The following PARN variants were observed in gnomAD, a reference collection of about 807,000 sequenced individuals.
PARN encodes poly(A)-specific ribonuclease.
A neutral mutation model predicts 102.8 loss-of-function variants in PARN; 71 were observed. The observed-to-expected ratio is 0.69, with a 90% CI of 0.57 to 0.84. The LOEUF (loss-of-function observed/expected upper bound fraction) is 0.84. Ranked by LOEUF, PARN falls within the 40% of genes least tolerant of loss-of-function variation. PARN has a pLI of 0.00. For missense variants in PARN, 782 were observed against 760.9 expected, an observed-to-expected ratio of 1.03 and a Z score of -0.33; for synonymous variants, 261 against 252.9, an observed-to-expected ratio of 1.03 and a Z score of -0.30.
chr16:14,540,815 G>A (rs1323399102), intron 21 of PARN, among the ~76,000 whole-genome samples: 1 of 151,992 alleles, frequency 6.6e-6, no homozygotes, highest in Non-Finnish European at 1.5e-5. Flanking sequence ...GCTGGGCATG[G>A]TGGTGTACAT....
intron 14 of PARN, among the ~76,000 whole-genome samples, chr16:14,585,445 G>C (rs1033756047): frequency 2.0e-5 from 3 of 148,316 alleles, no homozygotes; most frequent in Non-Finnish European, 3.0e-5. Context: ...AAGAGAAACT[G>C]CTCGAACACC....
intron 21 of PARN, among the ~76,000 whole-genome samples, chr16:14,490,144 T>C (rs1419711892): frequency 6.6e-6 from 1 of 152,094 alleles, no homozygotes; most frequent in African/African-American, 2.4e-5. Flanking sequence ...GTTGACAAAG[T>C]GAGACCCTGT....
intron 18 of PARN, among the ~76,000 whole-genome samples, chr16:14,577,793 C>G (rs187503479): frequency 6.6e-6 from 1 of 151,970 alleles, no homozygotes; most frequent in Non-Finnish European, 1.5e-5. Context: ...TCAGCCCCCC[C>G]AGTAGCTGGG....
At chr16:14,451,843 TAAA>T (rs1184998225) in intron 22 of PARN, among the ~76,000 whole-genome samples, 10 of 54,598 alleles carry the variant, frequency 1.8e-4, no homozygotes, top group African/African-American at 2.6e-4. Context: ...ACCCCGTCTC[TAAA>T]AAAAAAAAAA....
intron 21 of PARN, among the ~76,000 whole-genome samples, chr16:14,533,694 C>A (rs1415137264): frequency 6.6e-6 from 1 of 152,128 alleles, no homozygotes; most frequent in Non-Finnish European, 1.5e-5. Context: ...TGAGCACAGG[C>A]ATCACCATCG....
chr16:14,605,559 T>C (rs1031810957), intron 10 of PARN, among the ~76,000 whole-genome samples: 2 of 152,250 alleles, frequency 1.3e-5, no homozygotes, highest in Non-Finnish European at 2.9e-5. Context: ...GAAAAAACTC[T>C]GGATTTTCTG....
At chr16:14,628,042 A>G in intron 3 of PARN, 130 bp downstream of exon 3, 1 of 670,566 alleles carries the variant, frequency 1.5e-6, no homozygotes, top group Non-Finnish European at 2.6e-6. Context: ...AAATCACTTC[A>G]TGGCTAGGTT....
intron 21 of PARN, among the ~76,000 whole-genome samples, chr16:14,538,435 G>A (rs926538926): frequency 6.6e-6 from 1 of 151,794 alleles, no homozygotes; most frequent in East Asian, 1.9e-4. Context: ...GACCAGGCTG[G>A]TCTCAAACTC....
intron 22 of PARN, among the ~76,000 whole-genome samples, chr16:14,469,103 G>A (rs966129762): frequency 5.9e-5 from 9 of 152,070 alleles, no homozygotes; most frequent in Non-Finnish European, 1.2e-4. Flanking sequence ...TTCAAGACCA[G>A]CCTGGCCAAC....
chr16:14,598,803 C>G (rs1970688522), intron 12 of PARN, among the ~76,000 whole-genome samples: 1 of 152,160 alleles, frequency 6.6e-6, no homozygotes, highest in South Asian at 2.1e-4. Flanking sequence ...AAGCCTGCAG[C>G]TGGCAGTGAG....
At chr16:14,612,020 G>A (rs961232229) in intron 6 of PARN, among the ~76,000 whole-genome samples, 2 of 152,192 alleles carry the variant, frequency 1.3e-5, no homozygotes, top group African/African-American at 4.8e-5. Flanking sequence ...GCCAGCAGTG[G>A]GCTCTTGTTT....
intron 18 of PARN, among the ~76,000 whole-genome samples, chr16:14,569,714 A>G (rs936085189): frequency 2.0e-5 from 3 of 152,210 alleles, no homozygotes; most frequent in Admixed American, 1.3e-4. Flanking sequence ...CTCAAAAAGA[A>G]CAGTTCACAA....
intron 22 of PARN, among the ~76,000 whole-genome samples, chr16:14,462,854 G>C (rs1363297397): frequency 2.6e-5 from 4 of 152,286 alleles, no homozygotes; most frequent in Middle Eastern, 3.4e-3. Flanking sequence ...CAAAATACAT[G>C]AAACAATGGT....
At chr16:14,525,606 C>A (rs1224304772) in intron 21 of PARN, among the ~76,000 whole-genome samples, 1 of 152,074 alleles carries the variant, frequency 6.6e-6, no homozygotes, top group Non-Finnish European at 1.5e-5. Flanking sequence ...GTTCATGGCA[C>A]CCTCTCTTCA....
Position 14,577,258 on chromosome 16 carries a change from A to G in PARN, c.1262+3616T>C, listed in dbSNP as rs535174266. 1.1e-3 allele frequency among the ~76,000 whole-genome samples: 160 copies of G among 152,360 alleles called. 2 individuals are homozygous for G. The highest frequency in any genetic ancestry group is 3.4e-3 in the Middle Eastern group (1 of 294). ...TCAGCTTGAGATAATGTTGGGGGCA[A>G]CTACCAAATGTTTTTCTACAAGGGT... On this transcript the variant is annotated intron_variant, in intron 18 of 23. Transcript: ENST00000437198.
intron 21 of PARN, among the ~76,000 whole-genome samples, chr16:14,504,311 G>C (rs1007761866): frequency 6.6e-6 from 1 of 152,184 alleles, no homozygotes; most frequent in South Asian, 2.1e-4. Flanking sequence ...TGTAATCCCA[G>C]CACTTTTGGC....
chr16:14,629,599 G>A lies in PARN; in HGVS notation c.95C>T (p.Ser32Leu). 2 of 1,610,164 alleles carry A rather than the reference G, an allele frequency of 1.2e-6. No individual in the cohort carries two copies. Among genetic ancestry groups the A allele is most frequent in the Non-Finnish European group, 1.7e-6 (2 of 1,176,372 alleles). Residue 32 changes from serine (S) to leucine (L), a missense_variant and splice_region_variant, in exon 2 of 24, where the codon TCA becomes TTA. Ser to Leu is a moderately radical substitution (Grantham distance 145). Transcript: ENST00000437198. ...ADFFAIDGEFSGISDGPSVSA... is the reference protein window; with the variant it reads ...ADFFAIDGEFLGISDGPSVSA... ...CTGAGCTTGCAAGGGAGGGATACCT[G>A]AAAACTCCCCATCGATGGCGAAGAA...
At chr16:14,599,818 T>G (rs1329681162) in intron 12 of PARN, 86 bp downstream of exon 12, 5 of 794,808 alleles carry the variant, frequency 6.3e-6, no homozygotes, top group African/African-American at 1.7e-5. Context: ...CTAAAGGAGA[T>G]GAAATGATTA....
intron 21 of PARN, among the ~76,000 whole-genome samples, chr16:14,530,214 G>T (rs112748012): frequency 1.2e-4 from 19 of 152,258 alleles, no homozygotes; most frequent in Admixed American, 4.6e-4. Flanking sequence ...GACCTGTGGA[G>T]ACCACAGGGT....
Sources: allele counts gnomAD v4.1 joint callset (sites outside exome capture counted in the v4.1 genomes callset), GRCh38; gene constraint gnomAD v4.1.1; transcripts MANE v1.5; gene names NCBI Gene and HGNC (gene_info 2026-07-23, HGNC 2026-07-21).